The following FRMPD4 variants were observed in gnomAD, a reference collection of about 807,000 sequenced individuals.
FRMPD4 encodes the protein FERM and PDZ domain-containing protein 4.
Under a neutral mutation model 94.1 loss-of-function variants are expected in FRMPD4, and 22 were observed. The ratio of observed to expected loss-of-function variants is 0.23; its 90% CI spans 0.17 to 0.33. The LOEUF is 0.33. FRMPD4 is among the 10% of genes least tolerant of loss of function. The probability of loss-of-function intolerance (pLI) is 1.00; values close to 1 mark genes in which losing one functional copy is unlikely to be tolerated. For synonymous variants in FRMPD4, 631 were observed against 548.6 expected (o/e 1.15, Z -2.10); for missense variants, 1,111 against 1,339.9 (o/e 0.83, Z 2.67).
At chrX:12,523,243 C>T (rs1257867824) in intron 2 of FRMPD4, among the ~76,000 whole-genome samples, 1 of 111,841 alleles carries the variant, frequency 8.9e-6, no homozygotes. Context: ...AACCAGGTAA[C>T]AACAAACTGA....
chrX:12,265,761 C>A (rs57409210), intron 1 of FRMPD4, among the ~76,000 whole-genome samples: 5,526 of 109,509 alleles, frequency 0.05, 379 homozygotes, highest in African/African-American at 0.17. Context: ...AACCCCCCCC[C>A]AAAACTGCAC....
chrX:11,869,010 AT>A (rs35838959), intron 2 of FRMPD4, among the ~76,000 whole-genome samples: 48,417 of 109,595 alleles, frequency 0.44, 8,327 homozygotes, highest in Middle Eastern at 0.54. Context: ...ATGGGCATTG[AT>A]TTTTTTTTGT....
intron 1 of FRMPD4, among the ~76,000 whole-genome samples, chrX:12,189,659 A>G (rs1400222569): frequency 8.9e-6 from 1 of 111,917 alleles, no homozygotes; most frequent in Non-Finnish European, 1.9e-5. Context: ...ACAGAGGAAA[A>G]GTCACATGAT....
intron 3 of FRMPD4, among the ~76,000 whole-genome samples, chrX:11,882,958 G>C (rs1283597796): frequency 1.8e-5 from 2 of 111,682 alleles, no homozygotes; most frequent in Non-Finnish European, 3.8e-5. Context: ...TTTAATGGAA[G>C]ACTGTGTCTC....
intron 4 of FRMPD4, among the ~76,000 whole-genome samples, chrX:12,669,040 T>C (rs537804322): frequency 8.9e-5 from 10 of 112,273 alleles, no homozygotes; most frequent in African/African-American, 2.9e-4. Context: ...CCCTTTTAGT[T>C]TGGGTGGGGC....
intron 2 of FRMPD4, among the ~76,000 whole-genome samples, chrX:12,510,065 T>C (rs1005934278): frequency 2.7e-5 from 3 of 112,038 alleles, no homozygotes. Context: ...GTGTTTGGAC[T>C]AGAAATCTGT....
chrX:12,695,564 C>T (rs1467107395), intron 9 of FRMPD4, among the ~76,000 whole-genome samples: 2 of 110,148 alleles, frequency 1.8e-5, no homozygotes, highest in Non-Finnish European at 3.8e-5. Flanking sequence ...GCCACCACGC[C>T]CAGCTAATTT....
intron 3 of FRMPD4, among the ~76,000 whole-genome samples, chrX:12,006,037 A>G (rs2054551984): frequency 9.0e-6 from 1 of 111,468 alleles, no homozygotes; most frequent in Admixed American, 9.5e-5. Flanking sequence ...TAGCCTTGGT[A>G]CAATGAACCC....
At chrX:12,281,652 G>C (rs2054528074) in intron 1 of FRMPD4, among the ~76,000 whole-genome samples, 1 of 111,691 alleles carries the variant, frequency 9.0e-6, no homozygotes, top group African/African-American at 3.3e-5. Flanking sequence ...TGAGATTCCA[G>C]GTGTGAGCCA....
At chrX:11,824,966 A>C (rs2053433243) in intron 1 of FRMPD4, among the ~76,000 whole-genome samples, 1 of 110,522 alleles carries the variant, frequency 9.0e-6, no homozygotes, top group African/African-American at 3.3e-5. Context: ...AAAAAAAAAA[A>C]AAGTGGTTAA....
intron 1 of FRMPD4, among the ~76,000 whole-genome samples, chrX:12,239,795 G>C (rs1164719117): frequency 8.9e-6 from 1 of 112,048 alleles, no homozygotes; most frequent in Admixed American, 9.4e-5. Flanking sequence ...CTGGCTCACA[G>C]ATAAGCATCT....
intron 1 of FRMPD4, among the ~76,000 whole-genome samples, chrX:12,280,116 C>T (rs1421245950): frequency 1.8e-5 from 2 of 110,430 alleles, no homozygotes; most frequent in Admixed American, 1.9e-4. Flanking sequence ...CACACACACC[C>T]CACACACACG....
chrX:12,171,860 A>G (rs1051372926), intron 1 of FRMPD4, among the ~76,000 whole-genome samples: 2 of 111,877 alleles, frequency 1.8e-5, no homozygotes, highest in Admixed American at 9.5e-5. Flanking sequence ...CAATCTGGCT[A>G]TCAGGTACAG....
intron 1 of FRMPD4, among the ~76,000 whole-genome samples, chrX:12,278,466 G>C (rs1350074998): frequency 8.9e-6 from 1 of 112,193 alleles, no homozygotes; most frequent in East Asian, 2.8e-4. Context: ...AGCCCATTCA[G>C]TCTGAAAGCT....
intron 3 of FRMPD4, among the ~76,000 whole-genome samples, chrX:12,091,299 A>G (rs1183525252): frequency 2.7e-5 from 3 of 111,918 alleles, no homozygotes; most frequent in Non-Finnish European, 3.8e-5. Context: ...GCCATAAACC[A>G]AGGAGCAACA....
intron 2 of FRMPD4, among the ~76,000 whole-genome samples, chrX:12,545,032 C>T (rs745316889): frequency 1.8e-5 from 2 of 111,427 alleles, no homozygotes; most frequent in East Asian, 5.6e-4. Flanking sequence ...TCAGGCCCCA[C>T]CCTGTTCGTG....
intron 1 of FRMPD4, among the ~76,000 whole-genome samples, chrX:12,312,311 G>A (rs2055046754): frequency 1.1e-5 from 1 of 92,888 alleles, no homozygotes; most frequent in African/African-American, 4.2e-5. Context: ...GGAGTGCAGT[G>A]GTGCGATTTT....
intron 2 of FRMPD4, among the ~76,000 whole-genome samples, chrX:12,547,293 C>A (rs989976593): frequency 1.7e-4 from 19 of 111,012 alleles, no homozygotes; most frequent in Non-Finnish European, 3.4e-4. Flanking sequence ...AGAGCCAATT[C>A]AAACCCACAC....
chrX:12,511,168 T>G (rs1359099611), intron 2 of FRMPD4, among the ~76,000 whole-genome samples: 1 of 111,420 alleles, frequency 9.0e-6, no homozygotes, highest in Non-Finnish European at 1.9e-5. Flanking sequence ...CTATAAAGAC[T>G]AGGAGAGGTG....
Sources: gnomAD v4.1 joint callset for allele counts (sites outside exome capture counted in the v4.1 genomes callset) on GRCh38, gnomAD v4.1.1 for gene constraint, MANE v1.5 for transcripts, NCBI Gene and HGNC (gene_info 2026-07-23, HGNC 2026-07-21) for gene names.